Variants in FRYL observed in about 807,000 individuals in gnomAD.
FRYL encodes protein furry homolog-like.
In FRYL, 150 loss-of-function variants were observed where a neutral mutation model predicts 351.2. The ratio of observed to expected loss-of-function variants is 0.43; its 90% CI spans 0.37 to 0.49. The LOEUF (loss-of-function observed/expected upper bound fraction) is 0.49, where lower values mean the gene tolerates loss of function less well. Ranked by LOEUF, FRYL falls within the 20% of genes least tolerant of loss-of-function variation. The probability of loss-of-function intolerance (pLI) is 0.00; values close to 1 mark genes in which losing one functional copy is unlikely to be tolerated. For synonymous variants in FRYL, 1,153 were observed against 1,257.1 expected (o/e 0.92, Z 1.75); for missense variants, 3,036 against 3,619.3 (o/e 0.84, Z 4.13).
intron 9 of FRYL, 52 bp downstream of exon 9, chr4:48,608,935 G>T: frequency 1.9e-6 from 2 of 1,077,274 alleles, no homozygotes; most frequent in Non-Finnish European, 2.9e-6. Flanking sequence ...CATTGGTAAT[G>T]AAGCATTCTA....
At chr4:48,653,618 T>A (rs776580) in intron 3 of FRYL, 763,168 of 763,532 alleles carry the variant, frequency 1, 381,403 homozygotes, top group East Asian at 1. Flanking sequence ...AACAGCTTTT[T>A]ATCTATTTGG....
chr4:48,763,551 A>C (rs987024250), intron 1 of FRYL, among the ~76,000 whole-genome samples: 1 of 152,212 alleles, frequency 6.6e-6, no homozygotes, highest in African/African-American at 2.4e-5. Context: ...AGTGGAGTAC[A>C]TGTACCCCTT....
intron 4 of FRYL, among the ~76,000 whole-genome samples, chr4:48,626,310 GT>G (rs1465825548): frequency 6.6e-6 from 1 of 150,948 alleles, no homozygotes; most frequent in African/African-American, 2.5e-5. Flanking sequence ...TTATATTTAA[GT>G]TTAAAGATAT....
chr4:48,641,300 C>T (rs1423558244), intron 3 of FRYL, among the ~76,000 whole-genome samples: 2 of 151,928 alleles, frequency 1.3e-5, no homozygotes, highest in East Asian at 1.9e-4. Context: ...GGCAAGGATA[C>T]CTCAAAATTC....
chr4:48,527,717 T>G (rs1308941583), intron 52 of FRYL, 64 bp from the exon 53 acceptor site: 3 of 1,470,086 alleles, frequency 2.0e-6, no homozygotes, highest in Middle Eastern at 3.7e-4. Flanking sequence ...GCGTATGAGG[T>G]ATCAGTACCC....
At chr4:48,609,714 G>C in intron 8 of FRYL, 30 bp downstream of exon 8, 1 of 1,155,900 alleles carries the variant, frequency 8.7e-7, no homozygotes, top group South Asian at 1.5e-5. Context: ...GCAAAAAAAG[G>C]CAACAATCCC....
At chr4:48,773,416 A>T (rs1775715661) in intron 1 of FRYL, among the ~76,000 whole-genome samples, 1 of 152,212 alleles carries the variant, frequency 6.6e-6, no homozygotes. Flanking sequence ...TTCATCAACG[A>T]TTAGAACTAA....
intron 45 of FRYL, 39 bp downstream of exon 45, chr4:48,541,988 A>G (rs1427800486): frequency 7.3e-7 from 1 of 1,368,082 alleles, no homozygotes; most frequent in Admixed American, 1.7e-5. Flanking sequence ...TAGCTATTCA[A>G]GTTCTCTCTA....
In FRYL at chr4:48,551,595, A is replaced by G; in HGVS notation, c.4436-17T>C. 6.5e-7 allele frequency: 1 copy of G among 1,527,454 alleles called. No homozygotes were observed. Among genetic ancestry groups the G allele is most frequent in the Non-Finnish European group, 9.1e-7 (1 of 1,102,056 alleles). The allele number at this position is 1,527,454 out of a possible 1,614,324, so 94.6% of individuals were successfully genotyped here. ...AAGTAGTTCCTGTAATCAAAGACAAAGCAGTACTCGTGAATCTACAAACCT... is the reference window on the plus strand; with the variant it reads ...AAGTAGTTCCTGTAATCAAAGACAAGGCAGTACTCGTGAATCTACAAACCT... On this transcript the variant is annotated splice_polypyrimidine_tract_variant and intron_variant, in intron 36 of 63. Coordinates refer to ENST00000358350, the MANE Select transcript of FRYL (RefSeq NM_015030.2).
At chr4:48,636,860 A>T (rs1030368235) in intron 3 of FRYL, 3 of 152,126 alleles carry the variant, frequency 2.0e-5, no homozygotes, top group Non-Finnish European at 4.4e-5. Context: ...TTCCAAAATA[A>T]ATTTCAAATT....
At chr4:48,733,600 AAAT>A (rs1019480766) in intron 1 of FRYL, among the ~76,000 whole-genome samples, 10 of 152,176 alleles carry the variant, frequency 6.6e-5, no homozygotes, top group Non-Finnish European at 1.3e-4. Flanking sequence ...CAGTTGTTCA[AAAT>A]AATAATAGCA....
At chr4:48,675,829 T>A (rs1241166740) in intron 3 of FRYL, among the ~76,000 whole-genome samples, 1 of 152,106 alleles carries the variant, frequency 6.6e-6, no homozygotes, top group Non-Finnish European at 1.5e-5. Flanking sequence ...CCTTGGAGAA[T>A]CTTTAGGTCT....
chr4:48,610,673 TTATATTA>T (rs1033547505), intron 7 of FRYL, among the ~76,000 whole-genome samples: 7 of 146,450 alleles, frequency 4.8e-5, no homozygotes, highest in African/African-American at 1.5e-4. Context: ...TATACATATA[TTATATTA>T]TATATTATAT....
In FRYL at chr4:48,606,702, T is replaced by C; in HGVS notation, c.573-96A>G. The C allele has an allele frequency of 3.4e-6, 3 of 881,346 alleles. No individual in the cohort carries two copies. The South Asian group carries it at 8.4e-5, about 25-fold the overall frequency. The allele number at this position is 881,346 out of a possible 1,614,324, so 54.6% of individuals were successfully genotyped here. A position where few individuals can be genotyped will look rare whatever the true frequency, so the allele number is the denominator to read the frequency against. On this transcript the variant is annotated intron_variant, in intron 9 of 63. Coordinates refer to ENST00000358350, the MANE Select transcript of FRYL (RefSeq NM_015030.2). ...AAAATCAAAAGGTATGCTACCTAAA[T>C]ATCATCTCCTTTCTCTACCTTCATT...
At chr4:48,651,164 A>ATGG (rs1757552083) in intron 3 of FRYL, among the ~76,000 whole-genome samples, 2 of 151,914 alleles carry the variant, frequency 1.3e-5, no homozygotes, top group African/African-American at 4.8e-5. Flanking sequence ...CCTGGGCTCA[A>ATGG]GCAATCCTCT....
chr4:48,632,104 A>ATATATATATGTG (rs1185337667), intron 4 of FRYL, among the ~76,000 whole-genome samples: 1 of 49,900 alleles, frequency 2.0e-5, no homozygotes, highest in South Asian at 8.1e-4. Flanking sequence ...ATATATATAT[A>ATATATATATGTG]TATATATATA....
chr4:48,738,239 T>A (rs1771656266), intron 1 of FRYL, among the ~76,000 whole-genome samples: 1 of 152,160 alleles, frequency 6.6e-6, no homozygotes, highest in Non-Finnish European at 1.5e-5. Context: ...CTGGAACCAA[T>A]AAACAATTAT....
intron 25 of FRYL, among the ~76,000 whole-genome samples, 200 bp from the exon 26 acceptor site, chr4:48,573,443 A>G (rs1401767555): frequency 2.0e-5 from 3 of 152,216 alleles, no homozygotes; most frequent in Non-Finnish European, 4.4e-5. Flanking sequence ...AAAATGGTAT[A>G]GGCCTCTTAT....
At chr4:48,514,541 T>A (rs1723153595) in intron 56 of FRYL, among the ~76,000 whole-genome samples, 1 of 152,182 alleles carries the variant, frequency 6.6e-6, no homozygotes, top group Non-Finnish European at 1.5e-5. Context: ...AGCATAAACA[T>A]TTAAAAGGAG....
Sources: gnomAD v4.1 joint callset for allele counts (sites outside exome capture counted in the v4.1 genomes callset) on GRCh38, gnomAD v4.1.1 for gene constraint, MANE v1.5 for transcripts, NCBI Gene and HGNC (gene_info 2026-07-23, HGNC 2026-07-21) for gene names.